Variants in MSH4 observed in about 807,000 individuals in gnomAD.
MSH4 encodes mutS homolog 4.
In MSH4, 106 loss-of-function variants were observed where a neutral mutation model predicts 113.7. The ratio of observed to expected loss-of-function variants is 0.93; its 90% CI spans 0.80 to 1.10. The LOEUF (loss-of-function observed/expected upper bound fraction) is 1.10. MSH4 is among the 50% of genes least tolerant of loss of function. The probability of loss-of-function intolerance (pLI) is 0.00; values close to 1 mark genes in which losing one functional copy is unlikely to be tolerated. For synonymous variants in MSH4, 368 were observed against 380.2 expected, an observed-to-expected ratio of 0.97 and a Z score of 0.37; for missense variants, 1,061 against 1,093.7, an observed-to-expected ratio of 0.97 and a Z score of 0.42.
chr1:75,858,943 C>A (rs1651386024), intron 8 of MSH4, among the ~76,000 whole-genome samples: 1 of 152,106 alleles, frequency 6.6e-6, no homozygotes, highest in Admixed American at 6.6e-5. Flanking sequence ...AATTTCAGAA[C>A]CTGTTATTGG....
At chr1:75,909,188 C>A (rs1652734328) in intron 19 of MSH4, among the ~76,000 whole-genome samples, 1 of 152,136 alleles carries the variant, frequency 6.6e-6, no homozygotes, top group Non-Finnish European at 1.5e-5. Context: ...ACCTCAATCT[C>A]ACTTTTTCCA....
At chr1:75,826,245 T>G (rs1250312629) in intron 7 of MSH4, among the ~76,000 whole-genome samples, 1 of 151,908 alleles carries the variant, frequency 6.6e-6, no homozygotes, top group Non-Finnish European at 1.5e-5. Context: ...TTCTAGTTTA[T>G]TTGTGTAGAG....
chr1:75,890,854 T>G (rs1385408832), intron 17 of MSH4, 30 bp downstream of exon 17: 2 of 1,464,660 alleles, frequency 1.4e-6, no homozygotes, highest in East Asian at 4.6e-5. Flanking sequence ...ATATTGATTT[T>G]GAGTCCTTCT....
At chr1:75,829,348 C>A (rs1650630885) in intron 7 of MSH4, among the ~76,000 whole-genome samples, 1 of 152,202 alleles carries the variant, frequency 6.6e-6, no homozygotes, top group Admixed American at 6.5e-5. Context: ...CTGTAGACTC[C>A]ACCTCTAGGG....
At chr1:75,821,699 C>T (rs1650415753) in intron 6 of MSH4, among the ~76,000 whole-genome samples, 1 of 152,174 alleles carries the variant, frequency 6.6e-6, no homozygotes, top group South Asian at 2.1e-4. Flanking sequence ...GCCTTGACCT[C>T]CTGGGCTCAA....
intron 7 of MSH4, among the ~76,000 whole-genome samples, chr1:75,822,974 A>G (rs1452104156): frequency 6.6e-6 from 1 of 152,216 alleles, no homozygotes; most frequent in Non-Finnish European, 1.5e-5. Flanking sequence ...TACCTACTCC[A>G]TGGTTTAAAA....
intron 17 of MSH4, among the ~76,000 whole-genome samples, chr1:75,891,187 A>G (rs747050147): frequency 6.6e-6 from 1 of 152,188 alleles, no homozygotes; most frequent in Non-Finnish European, 1.5e-5. Flanking sequence ...AACTCAGGTA[A>G]CTTTACAGAA....
In MSH4 at chr1:75,856,452, G is replaced by A. The variant is rs137870424; in HGVS notation, c.1230+8176G>A. On this transcript the variant is annotated intron_variant, in intron 8 of 19. Transcript: ENST00000263187. ...ATCGCTCCCCTAGCCCTCCACCCCC[G>A]ACAGGCCCCGGTGTGTGGTGTTCCC... Among the ~76,000 whole-genome samples the A allele has an allele frequency of 2.5e-3, 376 of 152,058 alleles. 2 individuals are homozygous for A. Among genetic ancestry groups the A allele is most frequent in the African/African-American group, 8.8e-3 (367 of 41,490 alleles).
At chr1:75,818,999 C>T (rs1425631746) in intron 6 of MSH4, among the ~76,000 whole-genome samples, 1 of 152,066 alleles carries the variant, frequency 6.6e-6, no homozygotes, top group Non-Finnish European at 1.5e-5. Flanking sequence ...ATCTCCTGAC[C>T]TCATGATCCA....
intron 8 of MSH4, among the ~76,000 whole-genome samples, chr1:75,857,556 AT>A (rs1478541986): frequency 6.6e-6 from 1 of 152,118 alleles, no homozygotes; most frequent in African/African-American, 2.4e-5. Flanking sequence ...TCTTTTCCCC[AT>A]TGCTTGTATG....
chr1:75,799,397 A>G (rs1238836835), intron 1 of MSH4, among the ~76,000 whole-genome samples: 1 of 152,216 alleles, frequency 6.6e-6, no homozygotes, highest in Non-Finnish European at 1.5e-5. Flanking sequence ...AAGGTTCAGT[A>G]GAGAAGACAG....
At chr1:75,820,825 TAAA>T (rs933722400) in intron 6 of MSH4, among the ~76,000 whole-genome samples, 2 of 151,752 alleles carry the variant, frequency 1.3e-5, no homozygotes, top group African/African-American at 2.4e-5. Context: ...TACATAATGG[TAAA>T]GGGATCAATT....
chr1:75,874,367 C>T (rs1366937528), intron 9 of MSH4, among the ~76,000 whole-genome samples: 1 of 152,134 alleles, frequency 6.6e-6, no homozygotes, highest in East Asian at 1.9e-4. Context: ...TTGCTCTGTG[C>T]CCAGGCTGGA....
intron 6 of MSH4, among the ~76,000 whole-genome samples, chr1:75,817,684 C>T (rs1395186132): frequency 6.6e-6 from 1 of 152,044 alleles, no homozygotes. Context: ...TGAATAGCTC[C>T]AATGCTTCCA....
chr1:75,907,473 A>G (rs1208213659), intron 19 of MSH4, among the ~76,000 whole-genome samples: 1 of 151,658 alleles, frequency 6.6e-6, no homozygotes, highest in African/African-American at 2.4e-5. Context: ...TTATTATATC[A>G]TTTGGCTTGT....
chr1:75,884,607 C>G (rs1253175477), intron 15 of MSH4, among the ~76,000 whole-genome samples: 2 of 151,928 alleles, frequency 1.3e-5, no homozygotes, highest in African/African-American at 2.4e-5. Context: ...ACAGCTCTTC[C>G]TCTCCACGCT....
chr1:75,877,111 T>C (rs977783798), intron 10 of MSH4, 111 bp downstream of exon 10: 3 of 596,624 alleles, frequency 5.0e-6, no homozygotes, highest in Non-Finnish European at 8.0e-6. Flanking sequence ...TGAGTTTTGG[T>C]TAACAGAATC....
At chr1:75,891,299 T>C (rs973872388) in intron 17 of MSH4, among the ~76,000 whole-genome samples, 1 of 152,152 alleles carries the variant, frequency 6.6e-6, no homozygotes, top group African/African-American at 2.4e-5. Context: ...TAAATTAATT[T>C]ATAAAATATC....
intron 17 of MSH4, among the ~76,000 whole-genome samples, chr1:75,895,673 G>A (rs960955041): frequency 3.3e-5 from 5 of 151,716 alleles, no homozygotes; most frequent in Admixed American, 6.6e-5. Context: ...TTGACTTCAC[G>A]TCATATTATT....
Sources: gnomAD v4.1 joint callset for allele counts (sites outside exome capture counted in the v4.1 genomes callset) on GRCh38, gnomAD v4.1.1 for gene constraint, MANE v1.5 for transcripts, NCBI Gene and HGNC (gene_info 2026-07-23, HGNC 2026-07-21) for gene names.